Variants in ANKMY1 observed in about 807,000 individuals in gnomAD.
ANKMY1 encodes the protein ankyrin repeat and MYND domain-containing protein 1.
In ANKMY1, 98 loss-of-function variants were observed where a neutral mutation model predicts 102.0. That is an observed-to-expected ratio of 0.96 (90% confidence interval 0.82 to 1.14). The LOEUF is 1.14. Ranked by LOEUF, ANKMY1 falls within the 50% of genes most tolerant of loss-of-function variation. The pLI is 0.00. For missense variants in ANKMY1, 1,330 were observed against 1,347.6 expected (o/e 0.99, Z 0.20); for synonymous variants, 582 against 559.9 (o/e 1.04, Z -0.56).
At position 240,523,932 on chromosome 2, in the gene ANKMY1, G is replaced by A. The variant is rs775163530; in HGVS notation, c.1785C>T (p.Ser595=). 25 of 1,613,782 alleles carry A rather than the reference G, an allele frequency of 1.5e-5. No homozygotes were observed. In the East Asian group the frequency reaches 5.6e-4, roughly 36 times the overall value. Reference sequence around the variant, plus strand: ...TCCGCATGGTCCCTTTGTCGAAGCTGCTGGTGCACGGTGAGGGCGAGGCCA... The same window carrying A: ...TCCGCATGGTCCCTTTGTCGAAGCTACTGGTGCACGGTGAGGGCGAGGCCA... ...LKMASPSPCT[S]SFDKGTMRRM... The change falls in exon 8 of 18, where the codon AGC becomes AGT. Residue 595 remains serine (S), a synonymous_variant. Coordinates refer to ENST00000401804, the MANE Select transcript of ANKMY1 (RefSeq NM_001282771.3).
intron 9 of ANKMY1, among the ~76,000 whole-genome samples, chr2:240,518,161 T>C (rs1188619707): frequency 2.6e-5 from 4 of 152,132 alleles, no homozygotes; most frequent in African/African-American, 7.2e-5. Context: ...TTCTTTTAAA[T>C]AAACATAGAA....
chr2:240,500,399 C>G, intron 14 of ANKMY1, 53 bp downstream of exon 14: 1 of 1,538,040 alleles, frequency 6.5e-7, no homozygotes, highest in South Asian at 1.2e-5. Flanking sequence ...AGCCGGGGGC[C>G]CTGCACGTGA....
chr2:240,550,183 G>T (rs2091241184), intron 4 of ANKMY1, among the ~76,000 whole-genome samples: 1 of 151,990 alleles, frequency 6.6e-6, no homozygotes, highest in African/African-American at 2.4e-5. Context: ...ATACTATGCA[G>T]CCATAAAAAA....
chr2:240,483,669 C>T (rs34485893), intron 15 of ANKMY1, among the ~76,000 whole-genome samples: 7,017 of 152,150 alleles, frequency 0.046, 201 homozygotes, highest in South Asian at 0.083. Flanking sequence ...TTTACTCTTC[C>T]GCATCAAGTG....
In ANKMY1 at chr2:240,525,980, T is replaced by C; in HGVS notation, c.1171-131A>G. 3 of 1,226,370 alleles carry C rather than the reference T, an allele frequency of 2.4e-6. No individual in the cohort carries two copies. The South Asian group carries it at 4.1e-5, about 17-fold the overall frequency. 76.0% of individuals were successfully genotyped at this position (1,226,370 alleles called of 1,614,324 possible). On this transcript the variant is annotated intron_variant, in intron 6 of 17. Coordinates refer to ENST00000401804, the MANE Select transcript of ANKMY1 (RefSeq NM_001282771.3). ...AGGAACCAGTGCTCATTCGGGAGCT[T>C]GGCAAAGGGACAAGTGTGGGACAGA...
intron 12 of ANKMY1, among the ~76,000 whole-genome samples, chr2:240,509,089 G>A (rs1214171586): frequency 4.6e-5 from 7 of 151,978 alleles, no homozygotes; most frequent in African/African-American, 1.7e-4. Flanking sequence ...AGATGGATAA[G>A]TGGATGAGAA....
In ANKMY1 at chr2:240,518,047, C is replaced by T. The variant is rs147049188; in HGVS notation, c.2004+2315G>A. ...GACGCCCCTCCTCAGCATGAAGCAG[C>T]GAGACGGATGCGTGGCCTGATTCCT... On this transcript the variant is annotated intron_variant, in intron 9 of 17. Transcript: ENST00000401804. 3.4e-3 allele frequency among the ~76,000 whole-genome samples: 523 copies of T among 152,224 alleles called. 1 individual carries two copies. Among genetic ancestry groups the T allele is most frequent in the Non-Finnish European group, 6.2e-3 (422 of 68,024 alleles).
chr2:240,498,117 T>C (rs1007674081), intron 15 of ANKMY1, among the ~76,000 whole-genome samples: 17 of 152,040 alleles, frequency 1.1e-4, no homozygotes, highest in African/African-American at 3.9e-4. Flanking sequence ...TGCATTCATG[T>C]GTGCTGGTGG....
chr2:240,481,061 GC>G lies in ANKMY1; in HGVS notation c.2921del (p.Arg974ProfsTer17), dbSNP rs758447034. ...AGGGCAAGAGGCGGACCCCGATGGAGCGGCCACACTGGTAGCAGAACTTGAA... is the reference window on the plus strand; with the variant it reads ...AGGGCAAGAGGCGGACCCCGATGGAGGGCCACACTGGTAGCAGAACTTGAA... ...PFFKFCYQCG[R>X]SIGVRLLPCP... On this transcript the variant is annotated frameshift_variant, in exon 17 of 18. Coordinates refer to ENST00000401804, the MANE Select transcript of ANKMY1 (RefSeq NM_001282771.3). LOFTEE classifies it high-confidence loss of function. The G allele has an allele frequency of 6.2e-7, 1 of 1,613,446 alleles. No homozygotes were observed. The highest frequency in any genetic ancestry group is 2.2e-5 in the East Asian group (1 of 44,846).
At chr2:240,552,784 T>C in intron 4 of ANKMY1, 130 bp downstream of exon 4, 4 of 1,398,922 alleles carry the variant, frequency 2.9e-6, no homozygotes, top group South Asian at 2.4e-5. Context: ...ACCATTTTAA[T>C]CATTAAAAGT....
At chr2:240,560,065 G>A (rs1029608655), upstream of ANKMY1, 2 of 152,362 alleles carry the variant, frequency 1.3e-5, no homozygotes, top group African/African-American at 2.4e-5. Context: ...GGTCTATGAA[G>A]AAGTGATGAA....
chr2:240,476,197 G>C (rs540289948), downstream of ANKMY1, among the ~76,000 whole-genome samples: 1 of 152,266 alleles, frequency 6.6e-6, no homozygotes, highest in Non-Finnish European at 1.5e-5. Flanking sequence ...TCACACATAT[G>C]CAGCCAACTA....
chr2:240,512,775 C>A lies in ANKMY1; in HGVS notation c.2145+27G>T, dbSNP rs745979162. ...AGGCACACCTGGCCAAGGCCCCATACCCCTATCCAGGTCGCGAGGTACACA... is the reference window on the plus strand; with the variant it reads ...AGGCACACCTGGCCAAGGCCCCATAACCCTATCCAGGTCGCGAGGTACACA... On this transcript the variant is annotated intron_variant, in intron 10 of 17. Coordinates refer to ENST00000401804, the MANE Select transcript of ANKMY1 (RefSeq NM_001282771.3). 6 of 1,603,268 alleles carry A rather than the reference C, an allele frequency of 3.7e-6. No individual in the cohort carries two copies. The East Asian group carries it at 1.1e-4, about 30-fold the overall frequency.
intron 4 of ANKMY1, among the ~76,000 whole-genome samples, chr2:240,551,367 T>C (rs534191556): frequency 6.6e-6 from 1 of 152,342 alleles, no homozygotes; most frequent in South Asian, 2.1e-4. Flanking sequence ...GGCAACGTGT[T>C]TGTTTGCATA....
intron 13 of ANKMY1, among the ~76,000 whole-genome samples, chr2:240,501,125 T>TGC (rs1485364089): frequency 6.6e-6 from 1 of 151,842 alleles, no homozygotes; most frequent in African/African-American, 2.4e-5. Context: ...TGTGTGTGTG[T>TGC]GCAGGTGTGG....
At chr2:240,558,071 G>T, upstream of ANKMY1, 1 of 811,334 alleles carries the variant, frequency 1.2e-6, no homozygotes, top group Non-Finnish European at 1.5e-6. Context: ...CCGCCAGGAC[G>T]CACCCGGCCC....
chr2:240,476,192 C>T (rs2074838273), downstream of ANKMY1, among the ~76,000 whole-genome samples: 1 of 152,206 alleles, frequency 6.6e-6, no homozygotes, highest in African/African-American at 2.4e-5. Flanking sequence ...TAAACTCACA[C>T]ATATGCAGCC....
At chr2:240,500,398 C>T in intron 14 of ANKMY1, 54 bp downstream of exon 14, 3 of 1,534,280 alleles carry the variant, frequency 2.0e-6, no homozygotes, top group Admixed American at 1.7e-5. Flanking sequence ...CAGCCGGGGG[C>T]CCTGCACGTG....
At position 240,515,240 on chromosome 2, in the gene ANKMY1, T is replaced by C. The variant is rs568861735; in HGVS notation, c.2005-2298A>G. 8.5e-5 allele frequency among the ~76,000 whole-genome samples: 13 copies of C among 152,322 alleles called. No individual in the cohort carries two copies. In the East Asian group the frequency reaches 2.5e-3, roughly 29 times the overall value. ...TTTCTTTGAGATCTGATTTGCTCTT[T>C]AATAGAAAATTGTTGGCTGGACGCG... On this transcript the variant is annotated intron_variant, in intron 9 of 17. Coordinates refer to ENST00000401804, the MANE Select transcript of ANKMY1 (RefSeq NM_001282771.3).
Sources: allele counts gnomAD v4.1 joint callset (sites outside exome capture counted in the v4.1 genomes callset), GRCh38; gene constraint gnomAD v4.1.1; transcripts MANE v1.5; gene names NCBI Gene and HGNC (gene_info 2026-07-23, HGNC 2026-07-21).